The following LYG2 variants were observed in gnomAD, a reference collection of about 807,000 sequenced individuals.
LYG2 encodes the protein lysozyme g2.
In LYG2, 25 loss-of-function variants were observed where a neutral mutation model predicts 22.4. The observed-to-expected ratio is 1.12, with a 90% CI of 0.81 to 1.56. The LOEUF (loss-of-function observed/expected upper bound fraction) is 1.56. Ranked by LOEUF, LYG2 falls within the 40% of genes most tolerant of loss-of-function variation. The pLI is 0.00. For missense variants in LYG2, 266 were observed against 269.5 expected (o/e 0.99, Z 0.09); for synonymous variants, 88 against 97.0 (o/e 0.91, Z 0.55).
At chr2:99,258,802 T>C (rs1245936313), upstream of LYG2, among the ~76,000 whole-genome samples, 1 of 152,216 alleles carries the variant, frequency 6.6e-6, no homozygotes, top group Admixed American at 6.5e-5. Context: ...CTTGTCTTGG[T>C]TTTAATCTAC....
intron 4 of LYG2, 71 bp downstream of exon 4, chr2:99,246,609 G>T: frequency 6.5e-7 from 1 of 1,542,568 alleles, no homozygotes; most frequent in South Asian, 1.2e-5. Context: ...TCAAAATTAA[G>T]TGACTTCCTA....
rs545409758 is a variant in LYG2, at chr2:99,249,538, G to A, written c.44-2718C>T. ...AGCACTTTGGGAGGCCAAGGCAGGC[G>A]GATCACCTGAGGTCGGGAGTTCAAG... On this transcript the variant is annotated intron_variant, in intron 3 of 6. Transcript: ENST00000333017. 1.2e-4 allele frequency among the ~76,000 whole-genome samples: 18 copies of A among 152,002 alleles called. No homozygotes were observed. In the South Asian group the frequency reaches 2.3e-3, roughly 19 times the overall value.
At chr2:99,258,351 A>G (rs1043369766), upstream of LYG2, among the ~76,000 whole-genome samples, 2 of 152,244 alleles carry the variant, frequency 1.3e-5, no homozygotes, top group Admixed American at 1.3e-4. Context: ...GCCAGTTACT[A>G]TCATGATGGG....
intron 3 of LYG2, among the ~76,000 whole-genome samples, chr2:99,250,640 C>T (rs907618074): frequency 3.9e-5 from 6 of 152,188 alleles, no homozygotes; most frequent in East Asian, 1.9e-4. Flanking sequence ...TCCCAAAGTG[C>T]TGGGATTACA....
chr2:99,253,599 TCCAGCCTTCCCCCC>T (rs2094030998), intron 3 of LYG2, among the ~76,000 whole-genome samples: 1 of 152,164 alleles, frequency 6.6e-6, no homozygotes, highest in Non-Finnish European at 1.5e-5. Context: ...AACCTATCTT[TCCAGCCTTCCCCCC>T]AGAAACCCCC....
rs750014897 is a variant in LYG2 at position 99,245,385 on chromosome 2, T to A, written c.258A>T (p.Glu86Asp). The A allele has an allele frequency of 4.3e-6, 7 of 1,613,154 alleles. No individual in the cohort carries two copies. The highest frequency in any genetic ancestry group is 5.9e-6 in the Non-Finnish European group (7 of 1,179,588). ...AIKPYQTLIK[E>D]VGQRHCVDPA... Reference sequence around the variant, plus strand: ...GGTCCACGCAATGTCTCTGCCCGACTTCTTTGATCAGAGTCTGGTAAGGTT... The same window carrying A: ...GGTCCACGCAATGTCTCTGCCCGACATCTTTGATCAGAGTCTGGTAAGGTT... The change falls in exon 5 of 7, where the codon GAA becomes GAT. Residue 86 changes from glutamate (E) to aspartate (D), a missense_variant. Glu to Asp is a conservative substitution (Grantham distance 45, BLOSUM62 2). Transcript: ENST00000333017.
intron 3 of LYG2, among the ~76,000 whole-genome samples, chr2:99,251,494 G>C (rs559230821): frequency 6.6e-6 from 1 of 152,234 alleles, no homozygotes; most frequent in East Asian, 1.9e-4. Flanking sequence ...TTAGAACTAG[G>C]ATTTTTAGTG....
rs1207762611 is a variant in LYG2 at position 99,244,095 on chromosome 2, T to C, written c.424A>G (p.Lys142Glu). 3.1e-6 allele frequency: 5 copies of C among 1,613,928 alleles called. No individual in the cohort carries two copies. In the East Asian group the frequency reaches 6.7e-5, roughly 22 times the overall value. ...TYHPVGAWDS[K>E]EHLSQATGIL... Reference sequence around the variant, plus strand: ...CCAGTAGCCTGTGAAAGGTGCTCTTTGCTATCCCAGGCACCGACAGGGTGG... The same window carrying C: ...CCAGTAGCCTGTGAAAGGTGCTCTTCGCTATCCCAGGCACCGACAGGGTGG... Residue 142 changes from lysine (K) to glutamate (E), a missense_variant, in exon 6 of 7, where the codon AAA becomes GAA. Physicochemically the swap from Lys to Glu is moderately conservative, Grantham distance 56. Coordinates refer to ENST00000333017, the MANE Select transcript of LYG2 (RefSeq NM_175735.4).
At chr2:99,258,490 A>C (rs1012045963), upstream of LYG2, among the ~76,000 whole-genome samples, 5 of 152,214 alleles carry the variant, frequency 3.3e-5, no homozygotes, top group African/African-American at 1.2e-4. Flanking sequence ...CTCTCCAGCC[A>C]TGAAGAAAAC....
At chr2:99,260,259 G>A (rs564617648), upstream of LYG2, among the ~76,000 whole-genome samples, 8 of 152,146 alleles carry the variant, frequency 5.3e-5, no homozygotes, top group South Asian at 2.1e-4. Flanking sequence ...CACCGTGCCC[G>A]GCCAAGTAAG....
chr2:99,255,611 T>C lies in LYG2; in HGVS notation c.-152A>G, dbSNP rs2094034720. Reference sequence around the variant, plus strand: ...TTGGATTGGTTATTTACCTGAAATATTGGGTCTCCTGCTTTTTGTTCCCAT... The same window carrying C: ...TTGGATTGGTTATTTACCTGAAATACTGGGTCTCCTGCTTTTTGTTCCCAT... On this transcript the variant is annotated 5_prime_UTR_variant, in exon 1 of 7. Transcript: ENST00000333017. Among the ~76,000 whole-genome samples, 1 of 152,188 alleles carries C rather than the reference T, an allele frequency of 6.6e-6. No homozygotes were observed. Among genetic ancestry groups the C allele is most frequent in the South Asian group, 2.1e-4 (1 of 4,826 alleles).
upstream of LYG2, among the ~76,000 whole-genome samples, chr2:99,260,423 G>A (rs1297350565): frequency 1.3e-5 from 2 of 152,140 alleles, no homozygotes; most frequent in Admixed American, 1.3e-4. Flanking sequence ...ATCCATGGAA[G>A]AATCTCCACA....
chr2:99,254,096 C>T (rs573440114), intron 3 of LYG2, 122 bp downstream of exon 3: 4 of 856,884 alleles, frequency 4.7e-6, no homozygotes, highest in Non-Finnish European at 7.9e-6. Flanking sequence ...AATGGCCAAG[C>T]TGGTCAGAAT....
chr2:99,260,882 A>ATT, the LYG2 span, among the ~76,000 whole-genome samples: 96 of 152,316 alleles, frequency 6.3e-4, no homozygotes, highest in African/African-American at 2.2e-3. Context: ...TTATCTAATG[A>ATT]TTTTTAAGTC....
In LYG2 at chr2:99,242,433, C is replaced by T. The variant is rs370131623; in HGVS notation, c.570G>A (p.Ser190=). Residue 190 remains serine, a synonymous_variant, in exon 7 of 7, where the codon TCG becomes TCA. Coordinates refer to ENST00000333017, the MANE Select transcript of LYG2 (RefSeq NM_175735.4). ...CATTGACGAAGTCATTGTCTATGTC[C>T]GATGGGGTGGCAATCGCTTCAATTC... The part of the protein sequence containing the change: ...KSGIEAIATP[S]DIDNDFVNDI... 77 of 1,613,206 alleles carry T rather than the reference C, an allele frequency of 4.8e-5. 2 individuals are homozygous for T. The South Asian group carries it at 5.4e-4, about 11-fold the overall frequency.
the LYG2 span, among the ~76,000 whole-genome samples, chr2:99,261,220 A>C: frequency 6.6e-6 from 1 of 152,146 alleles, no homozygotes; most frequent in South Asian, 2.1e-4. Context: ...TTGGCAAAGG[A>C]ATGGCTTAAG....
At chr2:99,245,190 G>T in intron 5 of LYG2, 72 bp downstream of exon 5, 1 of 1,451,736 alleles carries the variant, frequency 6.9e-7, no homozygotes, top group South Asian at 1.6e-5. Flanking sequence ...ACTGCAAATG[G>T]ATTTCTAGTT....
At chr2:99,242,979 T>C (rs1451139822) in intron 6 of LYG2, among the ~76,000 whole-genome samples, 1 of 152,222 alleles carries the variant, frequency 6.6e-6, no homozygotes, top group Non-Finnish European at 1.5e-5. Flanking sequence ...TAGAATTTTA[T>C]CTCTAGTAGT....
At chr2:99,243,589 G>A (rs1417855716) in intron 6 of LYG2, 2 of 1,203,870 alleles carry the variant, frequency 1.7e-6, no homozygotes, top group Non-Finnish European at 2.3e-6. Context: ...AGGCTGGAGT[G>A]CAGTGATGTA....
Sources: gnomAD v4.1 joint callset for allele counts (sites outside exome capture counted in the v4.1 genomes callset) on GRCh38, gnomAD v4.1.1 for gene constraint, MANE v1.5 for transcripts, NCBI Gene and HGNC (gene_info 2026-07-23, HGNC 2026-07-21) for gene names.